HSD17B13: variants seen among roughly 807,000 people sequenced by gnomAD.
HSD17B13 encodes hydroxysteroid 17-beta dehydrogenase 13.
Under a neutral mutation model 31.1 loss-of-function variants are expected in HSD17B13, and 26 were observed. The observed-to-expected ratio is 0.84, with a 90% confidence interval of 0.61 to 1.16. The LOEUF is 1.16. Among genes scored for constraint, HSD17B13 ranks in the 50% most tolerant of loss-of-function variants. The pLI is 0.00. For missense variants in HSD17B13, 374 were observed against 366.5 expected (o/e 1.02, Z -0.17); for synonymous variants, 141 against 133.7 (o/e 1.05, Z -0.38).
chr4:87,305,930 C>T (rs190945126), intron 6 of HSD17B13, among the ~76,000 whole-genome samples: 10 of 152,170 alleles, frequency 6.6e-5, no homozygotes, highest in East Asian at 1.9e-4. Flanking sequence ...CAGCGGAGTA[C>T]GTTAATAATC....
intron 5 of HSD17B13, among the ~76,000 whole-genome samples, chr4:87,310,982 T>C (rs764902954): frequency 2.6e-5 from 4 of 152,058 alleles, no homozygotes; most frequent in African/African-American, 4.8e-5. Flanking sequence ...TAGGGTGCAG[T>C]AAAGAAGCCG....
rs564292392 is a variant in HSD17B13, at chr4:87,317,233, T to A, written c.319-10A>T. The A allele has an allele frequency of 3.1e-6, 5 of 1,613,832 alleles. No homozygotes were observed. The African/African-American group carries it at 4.0e-5, about 13-fold the overall frequency. On this transcript the variant is annotated splice_polypyrimidine_tract_variant and intron_variant, in intron 2 of 6. Coordinates refer to ENST00000328546, the MANE Select transcript of HSD17B13 (RefSeq NM_178135.5). The stretch of plus-strand genomic sequence containing the variant: ...CCACTTCTTTCTTCACCTTTTGAAA[T>A]TGAAAGAACACTTTCACTGGGTGTA...
chr4:87,306,676 G>A (rs1288783720), intron 6 of HSD17B13, among the ~76,000 whole-genome samples: 3 of 152,016 alleles, frequency 2.0e-5, no homozygotes, highest in Non-Finnish European at 4.4e-5. Flanking sequence ...AGAGGCACAG[G>A]TGGTCAGATC....
rs535033766 is a variant in HSD17B13 at position 87,315,030 on chromosome 4, G to A, written c.557+463C>T. On this transcript the variant is annotated intron_variant, in intron 4 of 6. Coordinates refer to ENST00000328546, the MANE Select transcript of HSD17B13 (RefSeq NM_178135.5). ...TCTCAGCATTGTAATCTTGAGGCAG[G>A]AGAACAGGGTCTGGAGGCAGGGAAC... Among the ~76,000 whole-genome samples, 6 of 152,296 alleles carry A rather than the reference G, an allele frequency of 3.9e-5. No individual in the cohort carries two copies. The East Asian group carries it at 9.6e-4, about 24-fold the overall frequency.
chr4:87,309,341 G>A (rs1445581097), intron 6 of HSD17B13, among the ~76,000 whole-genome samples: 1 of 125,422 alleles, frequency 8.0e-6, no homozygotes, highest in Non-Finnish European at 1.6e-5. Flanking sequence ...CCAAGATCAC[G>A]CCACTGCACT....
chr4:87,317,563 CTTTTTTTT>C (rs869241617), intron 2 of HSD17B13, among the ~76,000 whole-genome samples: 801 of 49,730 alleles, frequency 0.016, 35 homozygotes, highest in African/African-American at 0.064. Context: ...TTTCTTTAAA[CTTTTTTTT>C]TTTTTTTTTT....
intron 6 of HSD17B13, among the ~76,000 whole-genome samples, chr4:87,308,468 T>G (rs1578436597): frequency 1.0e-5 from 1 of 97,218 alleles, no homozygotes; most frequent in Admixed American, 1.7e-4. Flanking sequence ...GCTAACAGGG[T>G]GAAACCCCGT....
rs1206009053 is a variant in HSD17B13 at position 87,315,597 on chromosome 4, G to C, written c.453C>G (p.Ile151Met). Residue 151 changes from isoleucine to methionine, a missense_variant and splice_region_variant, in exon 4 of 7, where the codon ATC becomes ATG. Coordinates refer to ENST00000328546, the MANE Select transcript of HSD17B13 (RefSeq NM_178135.5). ...FEVNILGHFW[I>M]TKALLPSMME... The stretch of plus-strand genomic sequence containing the variant: ...TCATCGATGGAAGAAGTGCTTTTGT[G>C]ATCTTAAGGATCATTGCAGAAAGAA... 7 of 1,571,114 alleles carry C rather than the reference G, an allele frequency of 4.5e-6. No homozygotes were observed. Among genetic ancestry groups the C allele is most frequent in the Admixed American group, 3.4e-5 (2 of 58,310 alleles).
At chr4:87,307,247 C>T (rs553769505) in intron 6 of HSD17B13, among the ~76,000 whole-genome samples, 1 of 152,236 alleles carries the variant, frequency 6.6e-6, no homozygotes, top group Admixed American at 6.5e-5. Flanking sequence ...CAATATATAC[C>T]TGTTGCCTAG....
chr4:87,313,095 T>A (rs1400585799), intron 5 of HSD17B13, among the ~76,000 whole-genome samples: 3 of 151,924 alleles, frequency 2.0e-5, no homozygotes, highest in Non-Finnish European at 4.4e-5. Context: ...ACTTTTTTTT[T>A]TCTTTAGTCA....
rs141815958 is a variant in HSD17B13, at chr4:87,319,833, C to T, written c.211-1397G>A. 1.6e-4 allele frequency among the ~76,000 whole-genome samples: 25 copies of T among 152,372 alleles called. No homozygotes were observed. In the East Asian group the frequency reaches 3.9e-3, roughly 23 times the overall value. On this transcript the variant is annotated intron_variant, in intron 1 of 6. Coordinates refer to ENST00000328546, the MANE Select transcript of HSD17B13 (RefSeq NM_178135.5). Reference sequence around the variant, plus strand: ...ACTTTCAGCCTAAATTCAAAGACCTCTTTCCTAAGATAAAATTGCTCTAAT... The same window carrying T: ...ACTTTCAGCCTAAATTCAAAGACCTTTTTCCTAAGATAAAATTGCTCTAAT...
At chr4:87,319,016 A>G (rs183646695) in intron 1 of HSD17B13, among the ~76,000 whole-genome samples, 25 of 151,982 alleles carry the variant, frequency 1.6e-4, no homozygotes, top group African/African-American at 6.0e-4. Context: ...CCCCATCTCT[A>G]CTAAAAATAC....
chr4:87,322,092 T>C (rs2110105763), intron 1 of HSD17B13, among the ~76,000 whole-genome samples: 1 of 152,360 alleles, frequency 6.6e-6, no homozygotes, highest in Middle Eastern at 3.4e-3. Flanking sequence ...TTGTTTATCA[T>C]GTGCCACGTA....
chr4:87,312,230 A>G (rs1378585503), intron 5 of HSD17B13, among the ~76,000 whole-genome samples: 1 of 152,194 alleles, frequency 6.6e-6, no homozygotes, highest in East Asian at 1.9e-4. Context: ...ATAGTACTAT[A>G]GTATTTACTT....
intron 3 of HSD17B13, 137 bp from the exon 4 acceptor site, chr4:87,315,736 A>C: frequency 1.9e-6 from 1 of 526,908 alleles, no homozygotes. Context: ...CAAGCATTCC[A>C]TGATTAATTC....
At chr4:87,320,382 GTT>G (rs66590696) in intron 1 of HSD17B13, among the ~76,000 whole-genome samples, 10 of 101,380 alleles carry the variant, frequency 9.9e-5, no homozygotes, top group African/African-American at 2.4e-4. Context: ...TTATTCTTCA[GTT>G]TTTTTTTTTT....
intron 1 of HSD17B13, among the ~76,000 whole-genome samples, chr4:87,320,382 G>GTTTTTTTTTTTTTTTTTTTTTT (rs66590696): frequency 9.9e-6 from 1 of 101,380 alleles, no homozygotes; most frequent in African/African-American, 3.4e-5. Context: ...TTATTCTTCA[G>GTTTTTTTTTTTTTTTTTTTTTT]TTTTTTTTTT....
chr4:87,305,011 G>C lies in HSD17B13; in HGVS notation c.*207C>G. On this transcript the variant is annotated 3_prime_UTR_variant, in exon 7 of 7. Transcript: ENST00000328546. ...CAGAAGTTTTTAAGAGGCATGAAAG[G>C]AAAAACAGACCTATGAAAAACTACG... 1 of 396,058 alleles carries C rather than the reference G, an allele frequency of 2.5e-6. No individual in the cohort carries two copies. The highest frequency in any genetic ancestry group is 4.4e-6 in the Non-Finnish European group (1 of 224,852). The allele number at this position is 396,058 out of a possible 1,614,324, so 24.5% of individuals were successfully genotyped here.
At position 87,304,548 on chromosome 4, in the gene HSD17B13, T is replaced by C. The variant is rs982589346; in HGVS notation, c.*670A>G. ...GAACTTAAAATTCTGAGATTTAAAA[T>C]AGAGTCGGTCACCTTTCATAATGTA... On this transcript the variant is annotated 3_prime_UTR_variant, in exon 7 of 7. Transcript: ENST00000328546. 2 of 152,092 alleles carry C rather than the reference T, an allele frequency of 1.3e-5. No individual in the cohort carries two copies. The highest frequency in any genetic ancestry group is 1.3e-4 in the Admixed American group (2 of 15,276). The allele number at this position is 152,092 out of a possible 1,614,324, so 9.4% of individuals were successfully genotyped here. A position where few individuals can be genotyped will look rare whatever the true frequency, so the allele number is the denominator to read the frequency against.
Sources: allele counts gnomAD v4.1 joint callset (sites outside exome capture counted in the v4.1 genomes callset), GRCh38; gene constraint gnomAD v4.1.1; transcripts MANE v1.5; gene names NCBI Gene and HGNC (gene_info 2026-07-23, HGNC 2026-07-21).